SLC25A15: variants seen among roughly 807,000 people sequenced by gnomAD.
SLC25A15 encodes mitochondrial ornithine transporter 1.
SLC25A15 carries 24 observed loss-of-function variants against 32.3 expected under a neutral mutation model. That is an observed-to-expected ratio of 0.74 (90% CI 0.54 to 1.04). SLC25A15 has a LOEUF of 1.04. SLC25A15 is among the 50% of genes least tolerant of loss of function. The probability of loss-of-function intolerance (pLI) is 0.00; values close to 1 mark genes in which losing one functional copy is unlikely to be tolerated. For missense variants in SLC25A15, 317 were observed against 374.5 expected (o/e 0.85, Z 1.27); for synonymous variants, 132 against 142.1 (o/e 0.93, Z 0.51).
chr13:40,794,353 A>G (rs1881606956), intron 2 of SLC25A15, among the ~76,000 whole-genome samples: 1 of 152,156 alleles, frequency 6.6e-6, no homozygotes, highest in Admixed American at 6.5e-5. Flanking sequence ...AAAAAAAAAA[A>G]AAAGACATGT....
chr13:40,810,939 C>T lies in SLC25A15; in HGVS notation c.*1272C>T. On this transcript the variant is annotated 3_prime_UTR_variant, in exon 7 of 7. Coordinates refer to ENST00000338625, the MANE Select transcript of SLC25A15 (RefSeq NM_014252.4). ...ACCAATCAGAAACCCTTCCAAGGAA[C>T]AGTGAGAGCCAAAGCCAAGAGAAGC... 1 of 498,930 alleles carries T rather than the reference C, an allele frequency of 2.0e-6. No homozygotes were observed. Among genetic ancestry groups the T allele is most frequent in the Non-Finnish European group, 4.1e-6 (1 of 243,784 alleles). The allele number at this position is 498,930 out of a possible 1,614,324, so 30.9% of individuals were successfully genotyped here.
intron 4 of SLC25A15, among the ~76,000 whole-genome samples, chr13:40,805,768 A>G (rs1490974461): frequency 6.6e-6 from 1 of 152,186 alleles, no homozygotes; most frequent in African/African-American, 2.4e-5. Context: ...GAGAACATTA[A>G]TCAATACTTT....
In SLC25A15 at chr13:40,812,376, A is replaced by G. The variant is rs575425399; in HGVS notation, c.*2709A>G. ...CAGAGTACAGTTTGTGCTATTTCAT[A>G]TCTGTACTCCAGGCAGAAATATAAC... is the stretch of plus-strand genomic sequence containing the variant. On this transcript the variant is annotated 3_prime_UTR_variant, in exon 7 of 7. Transcript: ENST00000338625. Among the ~76,000 whole-genome samples, 3 of 152,304 alleles carry G rather than the reference A, an allele frequency of 2.0e-5. No individual in the cohort carries two copies. The highest frequency in any genetic ancestry group is 7.2e-5 in the African/African-American group (3 of 41,576).
rs569372988 is a variant in SLC25A15, at chr13:40,800,586, C to T, written c.314+1271C>T. Among the ~76,000 whole-genome samples, 6 of 152,302 alleles carry T rather than the reference C, an allele frequency of 3.9e-5. No homozygotes were observed. In the East Asian group the frequency reaches 7.7e-4, roughly 20 times the overall value. ...AAGACAGGGAAACAGTAAGCAGCCACGTGAGATTCTGGGGAAGACCTGTGT... is the reference window on the plus strand; with the variant it reads ...AAGACAGGGAAACAGTAAGCAGCCATGTGAGATTCTGGGGAAGACCTGTGT... On this transcript the variant is annotated intron_variant, in intron 3 of 6. Transcript: ENST00000338625.
At chr13:40,798,960 A>ATTCG in intron 2 of SLC25A15, 97 bp from the exon 3 acceptor site, 1 of 1,609,788 alleles carries the variant, frequency 6.2e-7, no homozygotes, top group Non-Finnish European at 8.5e-7. Flanking sequence ...AATGAACCGA[A>ATTCG]GCAGGGGTAA....
At chr13:40,791,329 A>AT (rs948272330) in intron 1 of SLC25A15, among the ~76,000 whole-genome samples, 1 of 139,112 alleles carries the variant, frequency 7.2e-6, no homozygotes, top group African/African-American at 2.8e-5. Flanking sequence ...TTATTTATTT[A>AT]TTTATTTTAT....
At chr13:40,798,769 C>G (rs1032008747) in intron 2 of SLC25A15, 2 of 985,280 alleles carry the variant, frequency 2.0e-6, no homozygotes, top group Middle Eastern at 5.2e-4. Context: ...TCCCTCTGAC[C>G]CTATTGCCCA....
At chr13:40,793,359 T>C (rs1192169945) in intron 2 of SLC25A15, 78 bp downstream of exon 2, 1 of 1,218,312 alleles carries the variant, frequency 8.2e-7, no homozygotes, top group Non-Finnish European at 1.2e-6. Flanking sequence ...GAGATTATAC[T>C]ACCATATTTT....
In SLC25A15 at chr13:40,810,175, T is replaced by A. The variant is rs1882386524; in HGVS notation, c.*508T>A. 1 of 183,522 alleles carries A rather than the reference T, an allele frequency of 5.4e-6. No individual in the cohort carries two copies. Among genetic ancestry groups the A allele is most frequent in the Admixed American group, 5.4e-5 (1 of 18,520 alleles). 11.4% of individuals were successfully genotyped at this position (183,522 alleles called of 1,614,324 possible). A position where few individuals can be genotyped will look rare whatever the true frequency, so the allele number is the denominator to read the frequency against. ...AAGTGGTTGATTATTTTTTATTTTT[T>A]TGATACAGAGTCTCACTCTGTCACC... On this transcript the variant is annotated 3_prime_UTR_variant, in exon 7 of 7. Coordinates refer to ENST00000338625, the MANE Select transcript of SLC25A15 (RefSeq NM_014252.4).
intron 4 of SLC25A15, among the ~76,000 whole-genome samples, chr13:40,806,658 C>T (rs1882188396): frequency 6.6e-6 from 1 of 152,192 alleles, no homozygotes; most frequent in African/African-American, 2.4e-5. Flanking sequence ...TCTGTCCAAG[C>T]CAAGTCTCCT....
At chr13:40,801,327 A>G (rs1391759746) in intron 3 of SLC25A15, among the ~76,000 whole-genome samples, 3 of 148,830 alleles carry the variant, frequency 2.0e-5, no homozygotes, top group Admixed American at 1.3e-4. Flanking sequence ...TTTTTTTTCC[A>G]TCCTGAGGAA....
intron 2 of SLC25A15, chr13:40,798,790 T>C: frequency 1.0e-6 from 1 of 985,272 alleles, no homozygotes; most frequent in Non-Finnish European, 1.2e-6. Context: ...GGCTCCTACA[T>C]ATTCACTGCA....
Position 40,799,217 on chromosome 13 carries a change from C to T in SLC25A15, c.216C>T (p.Ile72=), listed in dbSNP as rs572717478. Residue 72 remains isoleucine, a synonymous_variant, in exon 3 of 7, where the codon ATC becomes ATT. Transcript: ENST00000338625. ...ACAAGGGTACCAGTCCAGCACTAAT[C>T]GCCAACATCGCTGAGAACTCAGTCC... is the stretch of plus-strand genomic sequence containing the variant. ...GFYKGTSPAL[I]ANIAENSVLF... 5.6e-5 allele frequency: 91 copies of T among 1,614,228 alleles called. 1 individual carries two copies. Among genetic ancestry groups the T allele is most frequent in the African/African-American group, 4.8e-4 (36 of 75,058 alleles).
In SLC25A15 at chr13:40,807,279, T is replaced by C. The variant is rs1393691194; in HGVS notation, c.453-15T>C. ...ACCTGCTGTAACCGTGCTATCTCTC[T>C]GTGTCTCCTCCCAGTACAGTGTGGT... On this transcript the variant is annotated splice_polypyrimidine_tract_variant and intron_variant, in intron 4 of 6. Coordinates refer to ENST00000338625, the MANE Select transcript of SLC25A15 (RefSeq NM_014252.4). 1 of 1,613,708 alleles carries C rather than the reference T, an allele frequency of 6.2e-7. No individual in the cohort carries two copies. The highest frequency in any genetic ancestry group is 8.5e-7 in the Non-Finnish European group (1 of 1,179,736).
At chr13:40,800,592 A>G (rs1160404862) in intron 3 of SLC25A15, among the ~76,000 whole-genome samples, 1 of 152,204 alleles carries the variant, frequency 6.6e-6, no homozygotes, top group Non-Finnish European at 1.5e-5. Flanking sequence ...GCCACGTGAG[A>G]TTCTGGGGAA....
Position 40,810,444 on chromosome 13 carries a change from T to C in SLC25A15, c.*777T>C, listed in dbSNP as rs1169546899. Among the ~76,000 whole-genome samples the C allele has an allele frequency of 6.6e-6, 1 of 152,178 alleles. No homozygotes were observed. ...TCCCAAAGTGCTGGGATTACTGGTG[T>C]GAGCCACCATGCCCAGCCAGTGGTT... On this transcript the variant is annotated 3_prime_UTR_variant, in exon 7 of 7. Coordinates refer to ENST00000338625, the MANE Select transcript of SLC25A15 (RefSeq NM_014252.4).
chr13:40,807,515 C>T (rs373477060), intron 5 of SLC25A15, 52 bp downstream of exon 5: 2 of 1,583,930 alleles, frequency 1.3e-6, no homozygotes, highest in Non-Finnish European at 1.7e-6. Flanking sequence ...TTGCTCCCTG[C>T]AGGTATGGTT....
rs529972305 is a variant in SLC25A15 at position 40,811,277 on chromosome 13, T to C, written c.*1610T>C. On this transcript the variant is annotated 3_prime_UTR_variant, in exon 7 of 7. Coordinates refer to ENST00000338625, the MANE Select transcript of SLC25A15 (RefSeq NM_014252.4). ...AGGCTGAGGCGGGCGGGTCACAAGG[T>C]CAGGAGTTCGAGAACAGCCTGACCA... Among the ~76,000 whole-genome samples the C allele has an allele frequency of 6.6e-6, 1 of 151,572 alleles. No individual in the cohort carries two copies. Among genetic ancestry groups the C allele is most frequent in the South Asian group, 2.1e-4 (1 of 4,804 alleles).
rs1882465805 is a variant in SLC25A15 at position 40,811,790 on chromosome 13, G to T, written c.*2123G>T. Among the ~76,000 whole-genome samples, 1 of 152,186 alleles carries T rather than the reference G, an allele frequency of 6.6e-6. No homozygotes were observed. Among genetic ancestry groups the T allele is most frequent in the Admixed American group, 6.5e-5 (1 of 15,284 alleles). On this transcript the variant is annotated 3_prime_UTR_variant, in exon 7 of 7. Transcript: ENST00000338625. ...CAATTTTAATAATAGTCCATACCATGTATGTGTTTCTGTCAGCAGAATGTA... is the reference window on the plus strand; with the variant it reads ...CAATTTTAATAATAGTCCATACCATTTATGTGTTTCTGTCAGCAGAATGTA...
Sources: gnomAD v4.1 joint callset for allele counts (sites outside exome capture counted in the v4.1 genomes callset) on GRCh38, gnomAD v4.1.1 for gene constraint, MANE v1.5 for transcripts, NCBI Gene and HGNC (gene_info 2026-07-23, HGNC 2026-07-21) for gene names.